TMEM168: variants seen among roughly 807,000 people sequenced by gnomAD.
TMEM168 encodes transmembrane protein 168.
Under a neutral mutation model 53.2 loss-of-function variants are expected in TMEM168, and 40 were observed. The observed-to-expected ratio is 0.75, with a 90% confidence interval of 0.58 to 0.98. TMEM168 has a LOEUF of 0.98. TMEM168 is among the 50% of genes least tolerant of loss of function. The pLI, the probability that TMEM168 is intolerant of heterozygous loss-of-function variation, is 0.00. For synonymous variants in TMEM168, 282 were observed against 293.0 expected (o/e 0.96, Z 0.38); for missense variants, 771 against 828.8 (o/e 0.93, Z 0.86).
chr7:112,781,353 A>C (rs925054463), intron 2 of TMEM168, among the ~76,000 whole-genome samples: 1 of 152,232 alleles, frequency 6.6e-6, no homozygotes, highest in Non-Finnish European at 1.5e-5. Flanking sequence ...GCCATGCCAC[A>C]AAACAAGTGG....
chr7:112,767,709 A>G lies in TMEM168; in HGVS notation c.1582T>C (p.Trp528Arg), dbSNP rs1479542128. 3 of 1,613,616 alleles carry G rather than the reference A, an allele frequency of 1.9e-6. No individual in the cohort carries two copies. Among genetic ancestry groups the G allele is most frequent in the Non-Finnish European group, 2.5e-6 (3 of 1,179,898 alleles). ...AAGGAACCATTCTTTTCTCTCCACC[A>G]TTCTATAAGTGTGTCAAGGCGTAGT... is the stretch of plus-strand genomic sequence containing the variant. ...DTLRLDTLIEWWREKNGSFCS... is the reference protein window; with the variant it reads ...DTLRLDTLIERWREKNGSFCS... Residue 528 changes from tryptophan to arginine, a missense_variant, in exon 5 of 5, where the codon TGG becomes CGG. Physicochemically the swap from Trp to Arg is moderately radical, Grantham distance 101 (BLOSUM62 -3). Transcript: ENST00000312814.
chr7:112,771,808 T>G (rs1397226713), intron 4 of TMEM168, among the ~76,000 whole-genome samples: 1 of 152,130 alleles, frequency 6.6e-6, no homozygotes. Context: ...TATTTATGAC[T>G]ATTTTATTAT....
In TMEM168 at chr7:112,764,027, A is replaced by ATAAC. The variant is rs1376147799; in HGVS notation, c.*3166_*3169dup. ...AAAAATTTTTGAATAAAATGATGGCATAACTGAAAAGTCATGGGGAGAGAA... is the reference window on the plus strand; with the variant it reads ...AAAAATTTTTGAATAAAATGATGGCATAACTAACTGAAAAGTCATGGGGAGAGAA... On this transcript the variant is annotated 3_prime_UTR_variant, in exon 5 of 5. Coordinates refer to ENST00000312814, the MANE Select transcript of TMEM168 (RefSeq NM_022484.6). The ATAAC allele has an allele frequency of 6.6e-6, 1 of 152,110 alleles. No homozygotes were observed. Among genetic ancestry groups the ATAAC allele is most frequent in the Non-Finnish European group, 1.5e-5 (1 of 68,008 alleles). 9.4% of individuals were successfully genotyped at this position (152,110 alleles called of 1,614,324 possible).
In TMEM168 at chr7:112,784,629, AC is replaced by A; in HGVS notation, c.196del (p.Val66Ter). The A allele has an allele frequency of 6.2e-7, 1 of 1,612,018 alleles. No individual in the cohort carries two copies. The highest frequency in any genetic ancestry group is 1.1e-5 in the South Asian group (1 of 90,378). ...AACAAAAAGACCAAGAATAAAAATT[AC>A]CAAAATTAAGGAATTTGCTGTTTTT... ...WEKTANSLILVIFILGLFVLG... is the reference protein window; with the variant it reads ...WEKTANSLILXIFILGLFVLG... On this transcript the variant is annotated frameshift_variant, in exon 2 of 5. Transcript: ENST00000312814. LOFTEE classifies it high-confidence loss of function.
chr7:112,782,249 C>A (rs1195787790), intron 2 of TMEM168, among the ~76,000 whole-genome samples: 1 of 152,268 alleles, frequency 6.6e-6, no homozygotes, highest in Non-Finnish European at 1.5e-5. Context: ...GAAACTGATT[C>A]TCTTAAAATT....
chr7:112,774,779 C>T (rs568318646), intron 3 of TMEM168, among the ~76,000 whole-genome samples: 5 of 152,094 alleles, frequency 3.3e-5, no homozygotes, highest in African/African-American at 1.2e-4. Flanking sequence ...TGGGGTTTCA[C>T]CATGTTGGCC....
In TMEM168 at chr7:112,784,848, C is replaced by T. The variant is rs1298930414; in HGVS notation, c.-23G>A. ...CATGTAACCAGCAATGTGGGCTTTTCCCTCACGTTACAAAAATTAACCGCT... is the reference window on the plus strand; with the variant it reads ...CATGTAACCAGCAATGTGGGCTTTTTCCTCACGTTACAAAAATTAACCGCT... On this transcript the variant is annotated 5_prime_UTR_variant, in exon 2 of 5. Transcript: ENST00000312814. The T allele has an allele frequency of 1.3e-6, 2 of 1,517,414 alleles. No homozygotes were observed. Among genetic ancestry groups the T allele is most frequent in the East Asian group, 2.3e-5 (1 of 43,690 alleles). 94.0% of individuals were successfully genotyped at this position (1,517,414 alleles called of 1,614,324 possible).
chr7:112,783,597 C>T, intron 2 of TMEM168, 101 bp downstream of exon 2: 1 of 1,179,524 alleles, frequency 8.5e-7, no homozygotes, highest in African/African-American at 1.6e-5. Flanking sequence ...CATGAATATC[C>T]TTTTGAAATC....
chr7:112,778,058 C>A (rs996485390), intron 2 of TMEM168, among the ~76,000 whole-genome samples: 1 of 152,030 alleles, frequency 6.6e-6, no homozygotes, highest in Non-Finnish European at 1.5e-5. Flanking sequence ...CAGAGAGCTG[C>A]GGACATTACG....
intron 1 of TMEM168, among the ~76,000 whole-genome samples, chr7:112,785,917 A>C (rs932589169): frequency 6.6e-6 from 1 of 152,214 alleles, no homozygotes; most frequent in Non-Finnish European, 1.5e-5. Flanking sequence ...ATATTTAAAA[A>C]GAAACTAGGG....
Position 112,764,577 on chromosome 7 carries a change from T to G in TMEM168, c.*2620A>C, listed in dbSNP as rs1792727813. ...GTGCAGTGGCGCAATCTCGGCTCACTGCAACCTCTGCCTCCCCGGTTCAAG... is the reference window on the plus strand; with the variant it reads ...GTGCAGTGGCGCAATCTCGGCTCACGGCAACCTCTGCCTCCCCGGTTCAAG... On this transcript the variant is annotated 3_prime_UTR_variant, in exon 5 of 5. Transcript: ENST00000312814. The G allele has an allele frequency of 6.6e-6, 1 of 151,702 alleles. No individual in the cohort carries two copies. Among genetic ancestry groups the G allele is most frequent in the South Asian group, 2.1e-4 (1 of 4,808 alleles). 9.4% of individuals were successfully genotyped at this position (151,702 alleles called of 1,614,324 possible).
In TMEM168 at chr7:112,775,717, T is replaced by C. The variant is rs138539812; in HGVS notation, c.1129-399A>G. Among the ~76,000 whole-genome samples, 802 of 152,268 alleles carry C rather than the reference T, an allele frequency of 5.3e-3. 3 individuals are homozygous for C. Among genetic ancestry groups the C allele is most frequent in the African/African-American group, 0.018 (740 of 41,570 alleles). On this transcript the variant is annotated intron_variant, in intron 2 of 4. Coordinates refer to ENST00000312814, the MANE Select transcript of TMEM168 (RefSeq NM_022484.6). ...TATGTCATTTTTCAAATAACAGATT[T>C]ATTTACTTTATCAAAAAGAGTGCTT...
intron 4 of TMEM168, among the ~76,000 whole-genome samples, chr7:112,770,188 G>A (rs895178644): frequency 1.3e-5 from 2 of 152,166 alleles, no homozygotes; most frequent in Non-Finnish European, 2.9e-5. Context: ...TGAGGACTAC[G>A]TCTAAAGCAG....
Position 112,784,384 on chromosome 7 carries a change from G to A in TMEM168, c.442C>T (p.Arg148Cys), listed in dbSNP as rs1478189545. 1.3e-5 allele frequency: 21 copies of A among 1,613,968 alleles called. No homozygotes were observed. Among genetic ancestry groups the A allele is most frequent in the East Asian group, 2.2e-5 (1 of 44,878 alleles). Residue 148 changes from arginine to cysteine, a missense_variant, in exon 2 of 5, where the codon CGT (arginine) becomes TGT (cysteine). Physicochemically the swap from Arg to Cys is radical, Grantham distance 180 (BLOSUM62 -3). Transcript: ENST00000312814. ...GTGGTTAGTAAAGTGGGCCGATGAC[G>A]GACATAACCAGAAATTCTCTCCACC... The part of the protein sequence containing the change: ...SLVERISGYV[R>C]HRPTLLTTVE...
intron 1 of TMEM168, among the ~76,000 whole-genome samples, chr7:112,786,652 G>A (rs1371239299): frequency 3.3e-5 from 5 of 151,398 alleles, no homozygotes; most frequent in African/African-American, 4.9e-5. Context: ...CAACAAATAC[G>A]TTAGAATATA....
In TMEM168 at chr7:112,764,577, T is replaced by TGCAACCTCTGCCTCCCC. The variant is rs1213698543; in HGVS notation, c.*2603_*2619dup. The TGCAACCTCTGCCTCCCC allele has an allele frequency of 1.3e-5, 2 of 151,702 alleles. No homozygotes were observed. The highest frequency in any genetic ancestry group is 1.3e-4 in the Admixed American group (2 of 15,232). 9.4% of individuals were successfully genotyped at this position (151,702 alleles called of 1,614,324 possible). On this transcript the variant is annotated 3_prime_UTR_variant, in exon 5 of 5. Transcript: ENST00000312814. ...GTGCAGTGGCGCAATCTCGGCTCACTGCAACCTCTGCCTCCCCGGTTCAAG... is the reference window on the plus strand; with the variant it reads ...GTGCAGTGGCGCAATCTCGGCTCACTGCAACCTCTGCCTCCCCGCAACCTCTGCCTCCCCGGTTCAAG...
At chr7:112,783,545 C>A (rs2687263) in intron 2 of TMEM168, among the ~76,000 whole-genome samples, 153 bp downstream of exon 2, 4,814 of 152,248 alleles carry the variant, frequency 0.032, 246 homozygotes, top group African/African-American at 0.11. Flanking sequence ...CCTCTTGAAA[C>A]ACATTCAGTG....
chr7:112,776,894 G>A (rs192231764), intron 2 of TMEM168, among the ~76,000 whole-genome samples: 256 of 151,894 alleles, frequency 1.7e-3, no homozygotes, highest in Middle Eastern at 3.4e-3. Context: ...CCCATTATTG[G>A]TATTTAAATT....
rs1792778705 is a variant in TMEM168 at position 112,766,377 on chromosome 7, A to G, written c.*820T>C. 6.6e-6 allele frequency: 1 copy of G among 152,628 alleles called. No homozygotes were observed. 9.5% of individuals were successfully genotyped at this position (152,628 alleles called of 1,614,324 possible). On this transcript the variant is annotated 3_prime_UTR_variant, in exon 5 of 5. Coordinates refer to ENST00000312814, the MANE Select transcript of TMEM168 (RefSeq NM_022484.6). ...AATAGACTGAGTCAGTCAACGAGAAATTGCTAAATTTCTTCTATGAGAGTA... is the reference window on the plus strand; with the variant it reads ...AATAGACTGAGTCAGTCAACGAGAAGTTGCTAAATTTCTTCTATGAGAGTA...
Sources: allele counts gnomAD v4.1 joint callset (sites outside exome capture counted in the v4.1 genomes callset), GRCh38; gene constraint gnomAD v4.1.1; transcripts MANE v1.5; gene names NCBI Gene and HGNC (gene_info 2026-07-23, HGNC 2026-07-21).